Variants in STXBP5L observed in about 807,000 individuals in gnomAD.
STXBP5L encodes the protein syntaxin-binding protein 5-like.
STXBP5L carries 65 observed loss-of-function variants against 144.5 expected under a neutral mutation model. That is an observed-to-expected ratio of 0.45 (90% CI 0.37 to 0.55). The LOEUF (loss-of-function observed/expected upper bound fraction) is 0.55, where lower values mean the gene tolerates loss of function less well. Ranked by LOEUF, STXBP5L falls within the 20% of genes least tolerant of loss-of-function variation. The pLI is 0.00. For synonymous variants in STXBP5L, 505 were observed against 469.6 expected, an observed-to-expected ratio of 1.08 and a Z score of -0.97; for missense variants, 1,298 against 1,405.5, an observed-to-expected ratio of 0.92 and a Z score of 1.22.
intron 3 of STXBP5L, among the ~76,000 whole-genome samples, chr3:121,022,635 A>T (rs1007670415): frequency 6.6e-6 from 1 of 152,188 alleles, no homozygotes; most frequent in African/African-American, 2.4e-5. Context: ...GATATACCAC[A>T]TAAATAGGAT....
chr3:120,979,488 C>G (rs1004547943), intron 3 of STXBP5L, among the ~76,000 whole-genome samples: 1 of 152,144 alleles, frequency 6.6e-6, no homozygotes, highest in Non-Finnish European at 1.5e-5. Context: ...CTCCCTGACC[C>G]CTTGTGCTTC....
At chr3:121,290,531 G>C (rs1282659878) in intron 19 of STXBP5L, among the ~76,000 whole-genome samples, 1 of 152,060 alleles carries the variant, frequency 6.6e-6, no homozygotes, top group African/African-American at 2.4e-5. Context: ...TAGAGAAAGA[G>C]GGAATCCTCC....
chr3:121,222,975 A>G, intron 10 of STXBP5L, 28 bp from the exon 11 acceptor site: 1 of 1,576,496 alleles, frequency 6.3e-7, no homozygotes. Flanking sequence ...AGGACTTCTG[A>G]GTCTCATTCA....
At chr3:121,207,481 T>C (rs1413587811) in intron 10 of STXBP5L, among the ~76,000 whole-genome samples, 4 of 152,046 alleles carry the variant, frequency 2.6e-5, no homozygotes, top group African/African-American at 4.8e-5. Context: ...AATTGACAAA[T>C]GGGATCTAAT....
At chr3:121,090,774 T>G (rs1482034152) in intron 5 of STXBP5L, among the ~76,000 whole-genome samples, 1 of 149,658 alleles carries the variant, frequency 6.7e-6, no homozygotes, top group East Asian at 1.9e-4. Flanking sequence ...ATTTTTTTTA[T>G]TTTTTATTTT....
intron 5 of STXBP5L, among the ~76,000 whole-genome samples, chr3:121,082,756 T>C (rs2042311858): frequency 6.6e-6 from 1 of 152,240 alleles, no homozygotes; most frequent in Non-Finnish European, 1.5e-5. Context: ...TATTTCTGCA[T>C]CAACTGATGA....
At chr3:120,942,591 T>C (rs6438597) in intron 2 of STXBP5L, among the ~76,000 whole-genome samples, 15,011 of 151,462 alleles carry the variant, frequency 0.099, 1,174 homozygotes, top group Admixed American at 0.2. Context: ...CCCTTTTTTT[T>C]TGGTAATTGC....
chr3:121,004,496 AC>A (rs1944090999), intron 3 of STXBP5L, among the ~76,000 whole-genome samples: 2 of 151,812 alleles, frequency 1.3e-5, no homozygotes, highest in African/African-American at 4.8e-5. Context: ...TCGTCTGCAA[AC>A]AGGGACAATT....
chr3:120,976,851 G>T (rs556229237), intron 3 of STXBP5L, among the ~76,000 whole-genome samples: 3 of 151,988 alleles, frequency 2.0e-5, no homozygotes, highest in Non-Finnish European at 4.4e-5. Context: ...GTAGTTGAGC[G>T]GTTTTGAGTG....
At chr3:120,973,704 C>G (rs894769116) in intron 3 of STXBP5L, among the ~76,000 whole-genome samples, 1 of 151,770 alleles carries the variant, frequency 6.6e-6, no homozygotes, top group Non-Finnish European at 1.5e-5. Context: ...TCCCCCCACC[C>G]CACAACAGTC....
chr3:121,028,300 A>T lies in STXBP5L; in HGVS notation c.288-13400A>T, dbSNP rs115123870. Among the ~76,000 whole-genome samples, 378 of 152,204 alleles carry T rather than the reference A, an allele frequency of 2.5e-3. 2 individuals are homozygous for T. The highest frequency in any genetic ancestry group is 8.5e-3 in the African/African-American group (355 of 41,566). ...AATAATAACTTTTTCAGGCTATAGC[A>T]GAAATTTTTGCAGTATTTTCTTTTC... On this transcript the variant is annotated intron_variant, in intron 3 of 26. Transcript: ENST00000471454.
At chr3:121,350,183 G>T (rs997632466) in intron 20 of STXBP5L, among the ~76,000 whole-genome samples, 1 of 152,112 alleles carries the variant, frequency 6.6e-6, no homozygotes, top group Non-Finnish European at 1.5e-5. Flanking sequence ...GCATTTACTT[G>T]TCTGTAAAGG....
At chr3:120,971,738 GTA>G (rs758149686) in intron 3 of STXBP5L, among the ~76,000 whole-genome samples, 4 of 149,334 alleles carry the variant, frequency 2.7e-5, no homozygotes, top group African/African-American at 7.4e-5. Flanking sequence ...ATATATGTGT[GTA>G]TATATATATC....
At chr3:121,311,926 T>G (rs1008694604) in intron 19 of STXBP5L, among the ~76,000 whole-genome samples, 3 of 152,212 alleles carry the variant, frequency 2.0e-5, no homozygotes, top group African/African-American at 7.2e-5. Flanking sequence ...GGCATCAAGC[T>G]ACCGGACTTC....
chr3:120,962,937 C>G (rs1008095151), intron 3 of STXBP5L, among the ~76,000 whole-genome samples: 29 of 152,072 alleles, frequency 1.9e-4, no homozygotes, highest in Non-Finnish European at 1.5e-4. Flanking sequence ...TGTTTGTGTC[C>G]TCTTTTATTT....
chr3:121,044,833 A>G (rs1947399685), intron 4 of STXBP5L, among the ~76,000 whole-genome samples: 2 of 152,140 alleles, frequency 1.3e-5, no homozygotes, highest in Admixed American at 1.3e-4. Context: ...TATAAAAGGA[A>G]TCTTAGTATA....
chr3:121,362,248 G>A (rs1165943466), intron 20 of STXBP5L, among the ~76,000 whole-genome samples: 2 of 152,186 alleles, frequency 1.3e-5, no homozygotes, highest in Non-Finnish European at 2.9e-5. Flanking sequence ...ATTTAGTGTA[G>A]CACTGGGTCT....
At chr3:121,337,138 T>C (rs2108572387) in intron 20 of STXBP5L, among the ~76,000 whole-genome samples, 1 of 152,186 alleles carries the variant, frequency 6.6e-6, no homozygotes. Context: ...AAGAAATAAC[T>C]ATTTAGTACC....
At chr3:121,238,309 T>A (rs866968347) in intron 12 of STXBP5L, among the ~76,000 whole-genome samples, 1 of 152,106 alleles carries the variant, frequency 6.6e-6, no homozygotes, top group Non-Finnish European at 1.5e-5. Context: ...AGAGATTACA[T>A]GATGAAAGAA....
Sources: gnomAD v4.1 joint callset for allele counts (sites outside exome capture counted in the v4.1 genomes callset) on GRCh38, gnomAD v4.1.1 for gene constraint, MANE v1.5 for transcripts, NCBI Gene and HGNC (gene_info 2026-07-23, HGNC 2026-07-21) for gene names.